Variants in GLP2R observed in about 807,000 individuals in gnomAD.
The protein encoded by GLP2R is glucagon-like peptide 2 receptor.
In GLP2R, 59 loss-of-function variants were observed where a neutral mutation model predicts 68.2. The ratio of observed to expected loss-of-function variants is 0.87; its 90% CI spans 0.70 to 1.07. The LOEUF is 1.07. Ranked by LOEUF, GLP2R falls within the 50% of genes least tolerant of loss-of-function variation. The pLI is 0.00. For missense variants in GLP2R, 548 were observed against 677.4 expected, an observed-to-expected ratio of 0.81 and a Z score of 2.12; for synonymous variants, 270 against 265.4, an observed-to-expected ratio of 1.02 and a Z score of -0.17.
intron 4 of GLP2R, among the ~76,000 whole-genome samples, chr17:9,851,130 A>C (rs1249224236): frequency 6.6e-6 from 1 of 152,220 alleles, no homozygotes; most frequent in Admixed American, 6.5e-5. Flanking sequence ...GAAAGCACAA[A>C]ACACACACGT....
Position 9,857,537 on chromosome 17 carries a change from G to C in GLP2R, c.726G>C (p.Arg242Ser), listed in dbSNP as rs1252457890. The C allele has an allele frequency of 6.2e-7, 1 of 1,614,046 alleles. No individual in the cohort carries two copies. Among genetic ancestry groups the C allele is most frequent in the Non-Finnish European group, 8.5e-7 (1 of 1,180,040 alleles). ...TCTTCTACAACTCTTACTCCAAGAG[G>C]CCTGACAATGAGAATGGGTGGATGT... ...DVVFYNSYSK[R>S]PDNENGWMSY... Residue 242 changes from arginine (R) to serine (S), a missense_variant, in exon 6 of 13, where the codon AGG becomes AGC. Arg to Ser is a moderately radical substitution (Grantham distance 110, BLOSUM62 -1). Transcript: ENST00000262441.
intron 11 of GLP2R, among the ~76,000 whole-genome samples, chr17:9,884,620 A>G (rs1597406331): frequency 6.6e-6 from 1 of 152,294 alleles, no homozygotes; most frequent in East Asian, 1.9e-4. Context: ...GTGTCCGCCC[A>G]CTGCATGCTC....
chr17:9,873,549 G>A (rs1567734757), intron 10 of GLP2R, among the ~76,000 whole-genome samples: 1 of 90,170 alleles, frequency 1.1e-5, no homozygotes, highest in South Asian at 2.8e-4. Flanking sequence ...CAAAAACTAT[G>A]CATGGACTTT....
At chr17:9,860,671 T>C (rs2152039921) in intron 7 of GLP2R, among the ~76,000 whole-genome samples, 1 of 152,210 alleles carries the variant, frequency 6.6e-6, no homozygotes, top group South Asian at 2.1e-4. Flanking sequence ...CCAAATACCA[T>C]CACTGGGGTA....
intron 11 of GLP2R, among the ~76,000 whole-genome samples, chr17:9,884,013 A>G (rs1449434864): frequency 1.3e-5 from 2 of 152,250 alleles, no homozygotes; most frequent in Non-Finnish European, 2.9e-5. Context: ...ACAAGATTGT[A>G]TAAAATAATA....
chr17:9,841,553 C>A (rs1291832823), intron 3 of GLP2R, among the ~76,000 whole-genome samples: 1 of 152,044 alleles, frequency 6.6e-6, no homozygotes, highest in Non-Finnish European at 1.5e-5. Context: ...GGGAGGGTGA[C>A]TCTGAAGTTT....
intron 10 of GLP2R, among the ~76,000 whole-genome samples, chr17:9,873,614 A>C (rs1390244202): frequency 1.5e-5 from 1 of 68,258 alleles, no homozygotes; most frequent in Non-Finnish European, 2.5e-5. Context: ...AGTTTATTTT[A>C]CATGGGGCCC....
rs750850540 is a variant in GLP2R, at chr17:9,859,932, T to C, written c.766-10T>C. The C allele has an allele frequency of 6.3e-7, 1 of 1,591,398 alleles. No homozygotes were observed. The highest frequency in any genetic ancestry group is 8.6e-7 in the Non-Finnish European group (1 of 1,167,846). ...CCTGGACTCACCCTCAGGTGTTTTT[T>C]CCTCTGCAGATGTCCACCTCCTGCC... On this transcript the variant is annotated splice_polypyrimidine_tract_variant and intron_variant, in intron 6 of 12. Coordinates refer to ENST00000262441, the MANE Select transcript of GLP2R (RefSeq NM_004246.3).
chr17:9,865,834 G>A (rs2067031224), intron 9 of GLP2R: 1 of 471,064 alleles, frequency 2.1e-6, no homozygotes, highest in South Asian at 1.5e-5. Flanking sequence ...GTGTCTACAG[G>A]CACTTGGACT....
At chr17:9,866,270 C>G (rs954166110) in intron 9 of GLP2R, 1 of 190,302 alleles carries the variant, frequency 5.3e-6, no homozygotes, top group Admixed American at 5.3e-5. Flanking sequence ...TGAACTAGAC[C>G]AGTGGTTTTC....
chr17:9,860,284 G>C (rs2272035), intron 7 of GLP2R, among the ~76,000 whole-genome samples, 183 bp downstream of exon 7: 2 of 151,992 alleles, frequency 1.3e-5, no homozygotes, highest in Non-Finnish European at 2.9e-5. Context: ...TATGCACAGG[G>C]GCCATAGGCC....
chr17:9,841,661 G>A (rs920206026), intron 3 of GLP2R, among the ~76,000 whole-genome samples: 65 of 152,210 alleles, frequency 4.3e-4, no homozygotes, highest in Admixed American at 4.3e-3. Context: ...GTGTGGTTTG[G>A]AGTGTGTTGT....
chr17:9,834,171 G>A (rs548017647), intron 2 of GLP2R, among the ~76,000 whole-genome samples: 1 of 152,070 alleles, frequency 6.6e-6, no homozygotes, highest in Non-Finnish European at 1.5e-5. Flanking sequence ...TTTATGACTT[G>A]GCCTTGGAAG....
intron 9 of GLP2R, among the ~76,000 whole-genome samples, chr17:9,867,407 G>A (rs139446795): frequency 6.0e-4 from 91 of 152,336 alleles, no homozygotes; most frequent in African/African-American, 2.0e-3. Flanking sequence ...GTACAAGGTT[G>A]CCTGTGTTTC....
chr17:9,836,658 G>A (rs902019829), intron 3 of GLP2R, among the ~76,000 whole-genome samples, 183 bp downstream of exon 3: 1 of 151,520 alleles, frequency 6.6e-6, no homozygotes, highest in Non-Finnish European at 1.5e-5. Context: ...TATCTTTGTG[G>A]TTACATAGTA....
At position 9,842,630 on chromosome 17, in the gene GLP2R, G is replaced by T. The variant is rs2066798328; in HGVS notation, c.504+14G>T. On this transcript the variant is annotated intron_variant, in intron 4 of 12. Coordinates refer to ENST00000262441, the MANE Select transcript of GLP2R (RefSeq NM_004246.3). ...TTCAAGCAAAACGTGAGTTTGCTCA[G>T]CTCAGTGAGGAGGCATCCAGGGTCC... 4 of 1,612,874 alleles carry T rather than the reference G, an allele frequency of 2.5e-6. No homozygotes were observed. The highest frequency in any genetic ancestry group is 2.5e-6 in the Non-Finnish European group (3 of 1,179,908).
intron 10 of GLP2R, among the ~76,000 whole-genome samples, chr17:9,872,859 CT>C (rs1263637173): frequency 6.6e-6 from 1 of 152,188 alleles, no homozygotes; most frequent in Non-Finnish European, 1.5e-5. Flanking sequence ...GGTGGCCACT[CT>C]ACCCTCCCTC....
intron 10 of GLP2R, among the ~76,000 whole-genome samples, chr17:9,880,061 C>A (rs1265383026): frequency 6.6e-6 from 1 of 152,184 alleles, no homozygotes; most frequent in Non-Finnish European, 1.5e-5. Context: ...CCCAGGGTGG[C>A]AGTCACTTGC....
chr17:9,838,942 G>T (rs1002477607), intron 3 of GLP2R, among the ~76,000 whole-genome samples: 1 of 152,204 alleles, frequency 6.6e-6, no homozygotes, highest in African/African-American at 2.4e-5. Flanking sequence ...GAACCCGGGA[G>T]GCGGAGCCTG....
Sources: gnomAD v4.1 joint callset for allele counts (sites outside exome capture counted in the v4.1 genomes callset) on GRCh38, gnomAD v4.1.1 for gene constraint, MANE v1.5 for transcripts, NCBI Gene and HGNC (gene_info 2026-07-23, HGNC 2026-07-21) for gene names.